Variants in SOX13 observed in about 807,000 individuals in gnomAD.
SOX13 encodes the protein SRY-box transcription factor 13, also known as transcription factor SOX-13.
In SOX13, 28 loss-of-function variants were observed where a neutral mutation model predicts 71.8. That is an observed-to-expected ratio of 0.39 (90% confidence interval 0.29 to 0.53). The LOEUF (loss-of-function observed/expected upper bound fraction) is 0.53. Ranked by LOEUF, SOX13 falls within the 20% of genes least tolerant of loss-of-function variation. The pLI is 0.70. For synonymous variants in SOX13, 309 were observed against 317.8 expected (o/e 0.97, Z 0.29); for missense variants, 627 against 810.3 (o/e 0.77, Z 2.75).
At chr1:204,107,363 A>G (rs1450715505) in intron 1 of SOX13, among the ~76,000 whole-genome samples, 1 of 152,124 alleles carries the variant, frequency 6.6e-6, no homozygotes, top group African/African-American at 2.4e-5. Flanking sequence ...TGTTTTATAG[A>G]CACAGCTTGC....
At chr1:204,095,570 A>G (rs1656236910) in intron 1 of SOX13, among the ~76,000 whole-genome samples, 1 of 152,058 alleles carries the variant, frequency 6.6e-6, no homozygotes, top group African/African-American at 2.4e-5. Flanking sequence ...CAGTGAGGCT[A>G]TGTTTATGGT....
intron 1 of SOX13, among the ~76,000 whole-genome samples, chr1:204,111,135 G>T (rs926300051): frequency 6.6e-6 from 1 of 152,190 alleles, no homozygotes; most frequent in African/African-American, 2.4e-5. Context: ...ATCATGTGAT[G>T]TTATTTGGAA....
chr1:204,090,872 C>T (rs544862208), intron 1 of SOX13, among the ~76,000 whole-genome samples: 84 of 152,176 alleles, frequency 5.5e-4, no homozygotes, highest in African/African-American at 1.8e-3. Flanking sequence ...TAAGGAACAC[C>T]GGTGACTTAC....
At chr1:204,115,636 C>A in intron 4 of SOX13, among the ~76,000 whole-genome samples, 1 of 142,020 alleles carries the variant, frequency 7.0e-6, no homozygotes, top group African/African-American at 2.6e-5. Context: ...AAGAGCTTTG[C>A]ATATATTAGC....
At chr1:204,092,367 A>G (rs1198536812) in intron 1 of SOX13, among the ~76,000 whole-genome samples, 3 of 151,706 alleles carry the variant, frequency 2.0e-5, no homozygotes, top group Admixed American at 1.3e-4. Context: ...CTCAGGCTGG[A>G]GTGCAGTGGC....
intron 1 of SOX13, among the ~76,000 whole-genome samples, chr1:204,094,715 G>A (rs1656216091): frequency 6.6e-6 from 1 of 152,202 alleles, no homozygotes; most frequent in Non-Finnish European, 1.5e-5. Context: ...ACACCGTGGA[G>A]CACGGGCAGC....
At position 204,123,069 on chromosome 1, in the gene SOX13, T is replaced by C. The variant is rs1198389450; in HGVS notation, c.1135-43T>C. 1 of 1,545,410 alleles carries C rather than the reference T, an allele frequency of 6.5e-7. No individual in the cohort carries two copies. The highest frequency in any genetic ancestry group is 2.3e-5 in the East Asian group (1 of 44,346). On this transcript the variant is annotated intron_variant, in intron 10 of 13. Transcript: ENST00000367204. The surrounding 1 kb of genome is among the most constrained non-coding windows in gnomAD (Gnocchi z 5.0). ...GAGAGGAGCATGGGGAGGAGTGGGG[T>C]GATGCAGAGGAGGCTGATGTCAGGT...
chr1:204,120,538 C>T (rs770618792), intron 7 of SOX13, among the ~76,000 whole-genome samples: 1 of 152,260 alleles, frequency 6.6e-6, no homozygotes, highest in Admixed American at 6.5e-5. Flanking sequence ...CTCCGTACTC[C>T]TGACCTCGGC....
intron 1 of SOX13, among the ~76,000 whole-genome samples, chr1:204,104,817 A>G (rs1558216277): frequency 1.3e-5 from 2 of 152,168 alleles, no homozygotes; most frequent in East Asian, 1.9e-4. Flanking sequence ...ATTTATCTCT[A>G]TCTTTATCTT....
rs59094119 is a variant in SOX13 at position 204,096,239 on chromosome 1, G to GTTTTTTTTTTTTT, written c.-1-16670_-1-16658dup. Reference sequence around the variant, plus strand: ...CTTTTCTTTTCTTTTTCTTTCTTTCGTTTTTTTTTTTTTTTTTTGCGACAG... The same window carrying GTTTTTTTTTTTTT: ...CTTTTCTTTTCTTTTTCTTTCTTTCGTTTTTTTTTTTTTTTTTTTTTTTTTTTTTTTGCGACAG... On this transcript the variant is annotated intron_variant, in intron 1 of 13. Coordinates refer to ENST00000367204, the MANE Select transcript of SOX13 (RefSeq NM_005686.3). 2.1e-4 allele frequency among the ~76,000 whole-genome samples: 18 copies of GTTTTTTTTTTTTT among 85,368 alleles called. 1 individual carries two copies. Among genetic ancestry groups the GTTTTTTTTTTTTT allele is most frequent in the Non-Finnish European group, 3.1e-4 (15 of 48,246 alleles). 56.0% of individuals were successfully genotyped at this position (85,368 alleles called of 152,430 possible).
chr1:204,114,330 T>C lies in SOX13; in HGVS notation c.229T>C (p.Ser77Pro), dbSNP rs746064340. Residue 77 changes from serine to proline, a missense_variant, in exon 3 of 14, where the codon TCT becomes CCT. Ser to Pro is a moderately conservative substitution (Grantham distance 74, BLOSUM62 -1). Coordinates refer to ENST00000367204, the MANE Select transcript of SOX13 (RefSeq NM_005686.3). ...TCAGTATGTCTTGCAGGACTGTAGC[T>C]CTCCAGAGGGTAATGGGTCCCCAGA... ...GNFRGSWDCS[S>P]PEGNGSPEPK... 5.6e-6 allele frequency: 9 copies of C among 1,602,364 alleles called. No homozygotes were observed. The South Asian group carries it at 9.0e-5, about 16-fold the overall frequency.
chr1:204,124,543 A>C lies in SOX13; in HGVS notation c.1376-98A>C, dbSNP rs912137534. ...TGCTTGCACATATATTATCTTATGG[A>C]CCCACCTGGGGATCAAGGTCTTCTC... On this transcript the variant is annotated intron_variant, in intron 12 of 13. Coordinates refer to ENST00000367204, the MANE Select transcript of SOX13 (RefSeq NM_005686.3). 3 of 973,844 alleles carry C rather than the reference A, an allele frequency of 3.1e-6. No individual in the cohort carries two copies. The African/African-American group carries it at 4.9e-5, about 16-fold the overall frequency. 60.3% of individuals were successfully genotyped at this position (973,844 alleles called of 1,614,324 possible). A position where few individuals can be genotyped will look rare whatever the true frequency, so the allele number is the denominator to read the frequency against.
Position 204,122,270 on chromosome 1 carries a change from C to T in SOX13, c.895C>T (p.Pro299Ser). Reference protein sequence around the residue: ...PSQPLNLTAKPKAPELPNTSS... With the variant: ...PSQPLNLTAKSKAPELPNTSS... Reference sequence around the variant, plus strand: ...CCAGCCCCTGAACCTCACAGCCAAGCCCAAGGCCCCCGAGCTGCCCAACAC... The same window carrying T: ...CCAGCCCCTGAACCTCACAGCCAAGTCCAAGGCCCCCGAGCTGCCCAACAC... The change falls in exon 9 of 14, where the codon CCC becomes TCC. Residue 299 changes from proline (P) to serine (S), a missense_variant. Physicochemically the swap from Pro to Ser is moderately conservative, Grantham distance 74. This residue lies in a region of SOX13 where 447 missense variants were observed against 532.2 expected (regional missense o/e 0.84). Coordinates refer to ENST00000367204, the MANE Select transcript of SOX13 (RefSeq NM_005686.3). The T allele has an allele frequency of 6.3e-7, 1 of 1,590,634 alleles. No homozygotes were observed. Among genetic ancestry groups the T allele is most frequent in the African/African-American group, 1.3e-5 (1 of 74,318 alleles).
In SOX13 at chr1:204,116,126, T is replaced by G. The variant is rs973011553; in HGVS notation, c.419-381T>G. 5.0e-6 allele frequency: 6 copies of G among 1,202,452 alleles called. No individual in the cohort carries two copies. In the African/African-American group the frequency reaches 9.5e-5, roughly 19 times the overall value. The allele number at this position is 1,202,452 out of a possible 1,614,324, so 74.5% of individuals were successfully genotyped here. ...ATGGGAATTTGACCCCAGACCTGTC[T>G]TGCTTCAAAGCCTGAGTGTGTCCCA... On this transcript the variant is annotated intron_variant, in intron 4 of 13. Coordinates refer to ENST00000367204, the MANE Select transcript of SOX13 (RefSeq NM_005686.3).
rs1216697973 is a variant in SOX13 at position 204,126,582 on chromosome 1, T to C, written c.*448T>C. On this transcript the variant is annotated 3_prime_UTR_variant, in exon 14 of 14. Transcript: ENST00000367204. ...CTCGTCTATCACCAGGATCGCTTTG[T>C]ACTTTGTGCAAAAGGGTCTGGCTGT... The C allele has an allele frequency of 4.8e-6, 1 of 206,476 alleles. No homozygotes were observed. The highest frequency in any genetic ancestry group is 5.3e-5 in the Admixed American group (1 of 19,032). The allele number at this position is 206,476 out of a possible 1,614,324, so 12.8% of individuals were successfully genotyped here. A position where few individuals can be genotyped will look rare whatever the true frequency, so the allele number is the denominator to read the frequency against.
intron 12 of SOX13, among the ~76,000 whole-genome samples, chr1:204,124,127 G>A (rs1366994396): frequency 1.3e-5 from 2 of 152,184 alleles, no homozygotes; most frequent in East Asian, 3.8e-4. Flanking sequence ...GGAGAGACTA[G>A]TGTTCCTGGG....
chr1:204,107,643 C>A (rs2102248002), intron 1 of SOX13, among the ~76,000 whole-genome samples: 1 of 152,138 alleles, frequency 6.6e-6, no homozygotes, highest in South Asian at 2.1e-4. Flanking sequence ...CTCAAGCAGG[C>A]CTGTGCTTGG....
In SOX13 at chr1:204,124,826, C is replaced by T. The variant is rs1395278260; in HGVS notation, c.1561C>T (p.Arg521Cys). 11 of 1,579,624 alleles carry T rather than the reference C, an allele frequency of 7.0e-6. No individual in the cohort carries two copies. The highest frequency in any genetic ancestry group is 1.2e-5 in the South Asian group (1 of 86,126). The change falls in exon 13 of 14, where the codon CGT (arginine) becomes TGT (cysteine). Residue 521 changes from arginine to cysteine, a missense_variant. Physicochemically the swap from Arg to Cys is radical, Grantham distance 180. This residue lies in a region of SOX13 where 148 missense variants were observed against 192.7 expected (regional missense o/e 0.77). Transcript: ENST00000367204. ...GEYKALMRTRRQDARQSYVIP... is the reference protein window; with the variant it reads ...GEYKALMRTRCQDARQSYVIP... ...GTACAAGGCCCTGATGAGGACCCGG[C>T]GTCAGGATGCCCGCCAGAGCTACGT...
At position 204,121,939 on chromosome 1, in the gene SOX13, C is replaced by A; in HGVS notation, c.815C>A (p.Pro272Gln). The A allele has an allele frequency of 6.2e-7, 1 of 1,613,124 alleles. No homozygotes were observed. Among genetic ancestry groups the A allele is most frequent in the Non-Finnish European group, 8.5e-7 (1 of 1,179,200 alleles). ...PLQLLHSPPAPVVKRPGAMAT... is the reference protein window; with the variant it reads ...PLQLLHSPPAQVVKRPGAMAT... ...CAGCTGCTGCACAGCCCCCCTGCCC[C>A]AGTGGTGAAGAGGCCTGGGGCCATG... Residue 272 changes from proline (P) to glutamine (Q), a missense_variant, in exon 8 of 14, where the codon CCA becomes CAA. This residue lies in a region of SOX13 where 447 missense variants were observed against 532.2 expected (regional missense o/e 0.84). Coordinates refer to ENST00000367204, the MANE Select transcript of SOX13 (RefSeq NM_005686.3).
Sources: allele counts gnomAD v4.1 joint callset (sites outside exome capture counted in the v4.1 genomes callset), GRCh38; gene constraint gnomAD v4.1.1; regional missense constraint gnomAD v4.1.1; non-coding constraint Gnocchi (gnomAD v3.1); transcripts MANE v1.5; gene names NCBI Gene and HGNC (gene_info 2026-07-23, HGNC 2026-07-21).